The following LIPC variants were observed in gnomAD, a reference collection of about 807,000 sequenced individuals.
The protein encoded by LIPC is lipase C, hepatic type, also known as hepatic triacylglycerol lipase.
In LIPC, 44 loss-of-function variants were observed where a neutral mutation model predicts 50.7. The ratio of observed to expected loss-of-function variants is 0.87; its 90% CI spans 0.68 to 1.11. The LOEUF is 1.11. LIPC is among the 50% of genes most tolerant of loss of function. The pLI, the probability that LIPC is intolerant of heterozygous loss-of-function variation, is 0.00. For missense variants in LIPC, 697 were observed against 648.2 expected, an observed-to-expected ratio of 1.08 and a Z score of -0.82; for synonymous variants, 271 against 256.4, an observed-to-expected ratio of 1.06 and a Z score of -0.54.
chr15:58,458,819 G>A (rs41292486), intron 1 of LIPC, among the ~76,000 whole-genome samples: 13,678 of 152,160 alleles, frequency 0.09, 677 homozygotes, highest in Admixed American at 0.11. Flanking sequence ...GTTTCCCAGT[G>A]GAACAGGAAA....
At chr15:58,442,609 G>A (rs762845727) in intron 1 of LIPC, among the ~76,000 whole-genome samples, 2 of 152,218 alleles carry the variant, frequency 1.3e-5, no homozygotes, top group Non-Finnish European at 2.9e-5. Flanking sequence ...ATTTAAATGT[G>A]CCAAGTTCTT....
chr15:58,457,972 G>T (rs533185094), intron 1 of LIPC, among the ~76,000 whole-genome samples: 1 of 152,122 alleles, frequency 6.6e-6, no homozygotes. Context: ...AGAGTGCATA[G>T]GACATACCAG....
At chr15:58,501,586 A>G (rs560030703) in intron 1 of LIPC, among the ~76,000 whole-genome samples, 1 of 152,304 alleles carries the variant, frequency 6.6e-6, no homozygotes, top group South Asian at 2.1e-4. Flanking sequence ...AAGAACTTCC[A>G]TCAGCGCTGA....
chr15:58,511,808 T>C (rs1428409838), intron 1 of LIPC, among the ~76,000 whole-genome samples: 1 of 152,218 alleles, frequency 6.6e-6, no homozygotes, highest in Non-Finnish European at 1.5e-5. Context: ...GTTACAACAG[T>C]AGAGGGTTGT....
intron 2 of LIPC, among the ~76,000 whole-genome samples, chr15:58,540,139 T>G (rs539951982): frequency 6.6e-6 from 1 of 152,378 alleles, no homozygotes; most frequent in East Asian, 1.9e-4. Context: ...GTTTGTTAAC[T>G]GAATTAAAGA....
intron 1 of LIPC, among the ~76,000 whole-genome samples, chr15:58,520,593 T>C (rs1346387518): frequency 2.6e-5 from 4 of 152,146 alleles, no homozygotes; most frequent in East Asian, 1.9e-4. Context: ...TTGCATCCTA[T>C]GGACTATCAG....
intron 1 of LIPC, among the ~76,000 whole-genome samples, chr15:58,511,441 C>T (rs540262436): frequency 7.0e-4 from 106 of 152,264 alleles, no homozygotes; most frequent in Non-Finnish European, 1.2e-3. Context: ...TTTACCCATA[C>T]GTGGGGCTCT....
intron 1 of LIPC, among the ~76,000 whole-genome samples, chr15:58,476,197 C>G (rs149377783): frequency 6.6e-6 from 1 of 152,266 alleles, no homozygotes; most frequent in East Asian, 1.9e-4. Context: ...CTTCCATCCC[C>G]AGTCCATCTG....
intron 1 of LIPC, chr15:58,434,769 C>CGCTGCTCCAAAGAGCAACT (rs71116564): frequency 6.6e-6 from 1 of 151,832 alleles, no homozygotes; most frequent in African/African-American, 2.4e-5. Flanking sequence ...TGAGAGCCAA[C>CGCTGCTCCAAAGAGCAACT]GCTGCTCCTA....
chr15:58,458,904 A>G (rs1214109393), intron 1 of LIPC, among the ~76,000 whole-genome samples: 3 of 152,176 alleles, frequency 2.0e-5, no homozygotes, highest in Non-Finnish European at 4.4e-5. Flanking sequence ...TTAAGTGGGG[A>G]AAAAGTACAT....
At chr15:58,479,526 G>T (rs1401368579) in intron 1 of LIPC, among the ~76,000 whole-genome samples, 11 of 152,176 alleles carry the variant, frequency 7.2e-5, no homozygotes, top group Non-Finnish European at 1.2e-4. Flanking sequence ...GACTTCTATA[G>T]CAATAAAAAT....
chr15:58,516,099 G>A (rs1892478415), intron 1 of LIPC, among the ~76,000 whole-genome samples: 1 of 152,116 alleles, frequency 6.6e-6, no homozygotes, highest in Non-Finnish European at 1.5e-5. Flanking sequence ...CCAAGGCAAT[G>A]GGATTTTCTG....
intron 1 of LIPC, among the ~76,000 whole-genome samples, chr15:58,492,749 T>G (rs1416619284): frequency 2.6e-5 from 4 of 152,238 alleles, no homozygotes; most frequent in African/African-American, 9.6e-5. Context: ...TGTTCTGTTT[T>G]GTTTTAAAGT....
At chr15:58,518,167 C>A (rs2140870603) in intron 1 of LIPC, among the ~76,000 whole-genome samples, 1 of 152,336 alleles carries the variant, frequency 6.6e-6, no homozygotes, top group East Asian at 1.9e-4. Context: ...GGCCTCTACC[C>A]ACTAATGCCA....
chr15:58,519,363 A>G (rs533180305), intron 1 of LIPC, among the ~76,000 whole-genome samples: 1 of 147,954 alleles, frequency 6.8e-6, no homozygotes, highest in African/African-American at 2.5e-5. Flanking sequence ...GTGAGCCGAG[A>G]TTGTGCCACT....
chr15:58,464,811 A>G (rs1401686244), intron 1 of LIPC, among the ~76,000 whole-genome samples: 2 of 152,206 alleles, frequency 1.3e-5, no homozygotes, highest in Admixed American at 6.5e-5. Flanking sequence ...GGTCTGTACT[A>G]AAAATACAAA....
chr15:58,566,119 T>C (rs1185814509), intron 8 of LIPC: 1 of 977,252 alleles, frequency 1.0e-6, no homozygotes, highest in African/African-American at 1.8e-5. Context: ...ATGTTCTGCA[T>C]TTCTAACAAG....
chr15:58,486,868 A>G (rs1891394949), intron 1 of LIPC, among the ~76,000 whole-genome samples: 1 of 152,224 alleles, frequency 6.6e-6, no homozygotes, highest in Non-Finnish European at 1.5e-5. Flanking sequence ...GCAAACAATC[A>G]AATAGTGAAC....
intron 1 of LIPC, among the ~76,000 whole-genome samples, chr15:58,511,651 T>C (rs1250353513): frequency 1.3e-5 from 2 of 152,178 alleles, no homozygotes; most frequent in African/African-American, 4.8e-5. Context: ...TTGAGAGTCT[T>C]TTTAAAAGTT....
Sources: gnomAD v4.1 joint callset for allele counts (sites outside exome capture counted in the v4.1 genomes callset) on GRCh38, gnomAD v4.1.1 for gene constraint, MANE v1.5 for transcripts, NCBI Gene and HGNC (gene_info 2026-07-23, HGNC 2026-07-21) for gene names.